Variants in NR6A1 observed in about 807,000 individuals in gnomAD.
NR6A1 encodes the protein nuclear receptor subfamily 6 group A member 1.
In NR6A1, 7 loss-of-function variants were observed where a neutral mutation model predicts 59.1. That is an observed-to-expected ratio of 0.12 (90% CI 0.07 to 0.22). NR6A1 has a LOEUF of 0.22. Among genes scored for constraint, NR6A1 ranks in the 10% least tolerant of loss-of-function variants. The pLI is 1.00. For synonymous variants in NR6A1, 243 were observed against 236.1 expected (o/e 1.03, Z -0.27); for missense variants, 468 against 611.6 (o/e 0.77, Z 2.48).
chr9:124,546,779 A>T (rs1289129580), intron 3 of NR6A1, among the ~76,000 whole-genome samples: 1 of 152,242 alleles, frequency 6.6e-6, no homozygotes, highest in Non-Finnish European at 1.5e-5. Context: ...CCTCTGTTAA[A>T]AACAAAAACT....
chr9:124,604,634 C>A (rs1835528990), intron 2 of NR6A1, among the ~76,000 whole-genome samples: 1 of 151,940 alleles, frequency 6.6e-6, no homozygotes, highest in African/African-American at 2.4e-5. Context: ...TATGGCAAAA[C>A]CCCGTTTCTA....
intron 2 of NR6A1, among the ~76,000 whole-genome samples, chr9:124,624,088 C>A (rs2071477635): frequency 6.6e-6 from 1 of 152,136 alleles, no homozygotes; most frequent in South Asian, 2.1e-4. Flanking sequence ...AGAATATGAA[C>A]CCAGGAATGT....
At chr9:124,535,526 C>T (rs1349090312) in intron 7 of NR6A1, among the ~76,000 whole-genome samples, 1 of 152,098 alleles carries the variant, frequency 6.6e-6, no homozygotes, top group African/African-American at 2.4e-5. Context: ...TGCAGTGAGC[C>T]AAGACTGCGC....
chr9:124,555,193 A>G (rs1833889101), intron 2 of NR6A1, among the ~76,000 whole-genome samples: 1 of 152,208 alleles, frequency 6.6e-6, no homozygotes, highest in Non-Finnish European at 1.5e-5. Context: ...GAACTCACTG[A>G]CGAGCAATAA....
chr9:124,665,010 C>CAAAAAAAAAAAA lies in NR6A1; in HGVS notation c.142+68286_142+68297dup, dbSNP rs59451556. ...CAATATAATAAGATCCTTGTATCTC[C>CAAAAAAAAAAAA]AAAAAAAAAAAAAAAAAAAAAAAAA... On this transcript the variant is annotated intron_variant, in intron 2 of 9. Coordinates refer to ENST00000487099, the MANE Select transcript of NR6A1 (RefSeq NM_033334.4). 1.5e-4 allele frequency among the ~76,000 whole-genome samples: 2 copies of CAAAAAAAAAAAA among 13,742 alleles called. 1 individual carries two copies. Among genetic ancestry groups the CAAAAAAAAAAAA allele is most frequent in the African/African-American group, 2.8e-4 (2 of 7,022 alleles). 9.0% of individuals were successfully genotyped at this position (13,742 alleles called of 152,430 possible). A position where few individuals can be genotyped will look rare whatever the true frequency, so the allele number is the denominator to read the frequency against.
At chr9:124,618,420 T>A (rs1588713439) in intron 2 of NR6A1, among the ~76,000 whole-genome samples, 2 of 151,490 alleles carry the variant, frequency 1.3e-5, no homozygotes, top group African/African-American at 4.9e-5. Context: ...GAGGCGGAGG[T>A]TGCATTGAGC....
At chr9:124,725,926 C>A (rs1839703033) in intron 2 of NR6A1, among the ~76,000 whole-genome samples, 1 of 152,268 alleles carries the variant, frequency 6.6e-6, no homozygotes, top group Non-Finnish European at 1.5e-5. Flanking sequence ...TGCCTTGTAA[C>A]AGACTTGTTG....
chr9:124,536,846 C>T (rs907530504), intron 6 of NR6A1, among the ~76,000 whole-genome samples: 6 of 152,264 alleles, frequency 3.9e-5, no homozygotes, highest in East Asian at 1.9e-4. Flanking sequence ...AAATAAGCCT[C>T]GCGTCCAGAC....
At chr9:124,523,032 T>C (rs1342941299) in intron 9 of NR6A1, among the ~76,000 whole-genome samples, 1 of 152,162 alleles carries the variant, frequency 6.6e-6, no homozygotes, top group African/African-American at 2.4e-5. Context: ...ACTCAGGGAA[T>C]ACTTAACTCT....
At chr9:124,552,222 G>A (rs183741576) in intron 3 of NR6A1, among the ~76,000 whole-genome samples, 48 of 152,296 alleles carry the variant, frequency 3.2e-4, no homozygotes, top group African/African-American at 1.1e-3. Flanking sequence ...GGGCAACAAA[G>A]GGAGATGAGA....
chr9:124,746,068 GA>G (rs1001120016), intron 1 of NR6A1, among the ~76,000 whole-genome samples: 13 of 146,334 alleles, frequency 8.9e-5, no homozygotes, highest in South Asian at 2.2e-4. Context: ...AACTGAAGGG[GA>G]AAAAAAAAAC....
chr9:124,682,914 T>C (rs1323196704), intron 2 of NR6A1, among the ~76,000 whole-genome samples: 1 of 152,188 alleles, frequency 6.6e-6, no homozygotes, highest in African/African-American at 2.4e-5. Flanking sequence ...CAGTCAAGAC[T>C]TGAATCCAAG....
chr9:124,574,778 A>G (rs1181231782), intron 2 of NR6A1, among the ~76,000 whole-genome samples: 1 of 152,216 alleles, frequency 6.6e-6, no homozygotes, highest in Non-Finnish European at 1.5e-5. Flanking sequence ...TGGCTTGATG[A>G]GTACAGGAAA....
At chr9:124,757,003 G>C (rs1840652299) in intron 1 of NR6A1, among the ~76,000 whole-genome samples, 1 of 151,732 alleles carries the variant, frequency 6.6e-6, no homozygotes, top group African/African-American at 2.4e-5. Context: ...AAAAAAAAGG[G>C]CGGGTAGGGG....
chr9:124,584,520 G>GT (rs1834868038), intron 2 of NR6A1, among the ~76,000 whole-genome samples: 1 of 152,066 alleles, frequency 6.6e-6, no homozygotes, highest in Non-Finnish European at 1.5e-5. Context: ...GTCACATTTG[G>GT]TAAGTCTTGT....
At chr9:124,607,597 TC>T (rs1336644597) in intron 2 of NR6A1, 1 of 152,190 alleles carries the variant, frequency 6.6e-6, no homozygotes, top group Non-Finnish European at 1.5e-5. Context: ...CTCAATTTCC[TC>T]ATCTATAAAA....
chr9:124,758,029 AC>A (rs1840684064), intron 1 of NR6A1, among the ~76,000 whole-genome samples: 1 of 152,240 alleles, frequency 6.6e-6, no homozygotes, highest in African/African-American at 2.4e-5. Flanking sequence ...GCACTTCTTC[AC>A]AGCAGTACTT....
In NR6A1 at chr9:124,519,968, CAG is replaced by C. The variant is rs967360032; in HGVS notation, c.*2735_*2736del. On this transcript the variant is annotated 3_prime_UTR_variant, in exon 10 of 10. Transcript: ENST00000487099. The stretch of plus-strand genomic sequence containing the variant: ...GTGAGTGCTTTTGGTGGTTGGGGAT[CAG>C]AGAGAGGGCAGAAAGAGAAATTAGA... 7.0e-6 allele frequency: 1 copy of C among 142,894 alleles called. No homozygotes were observed. Among genetic ancestry groups the C allele is most frequent in the Non-Finnish European group, 1.5e-5 (1 of 66,760 alleles). The allele number at this position is 142,894 out of a possible 1,614,324, so 8.9% of individuals were successfully genotyped here. A position where few individuals can be genotyped will look rare whatever the true frequency, so the allele number is the denominator to read the frequency against.
chr9:124,580,016 T>C (rs905188541), intron 2 of NR6A1, among the ~76,000 whole-genome samples: 10 of 152,166 alleles, frequency 6.6e-5, no homozygotes, highest in South Asian at 2.1e-4. Flanking sequence ...GTCTCATAAA[T>C]AAACAAACAA....
Sources: allele counts gnomAD v4.1 joint callset (sites outside exome capture counted in the v4.1 genomes callset), GRCh38; gene constraint gnomAD v4.1.1; transcripts MANE v1.5; gene names NCBI Gene and HGNC (gene_info 2026-07-23, HGNC 2026-07-21).